The following DKK2 variants were observed in gnomAD, a reference collection of about 807,000 sequenced individuals.
DKK2 encodes the protein dickkopf Wnt signaling pathway inhibitor 2, also known as dickkopf-related protein 2.
DKK2 carries 11 observed loss-of-function variants against 28.1 expected under a neutral mutation model. The observed-to-expected ratio is 0.39, with a 90% CI of 0.25 to 0.65. The LOEUF (loss-of-function observed/expected upper bound fraction) is 0.65. DKK2 is among the 30% of genes least tolerant of loss of function. DKK2 has a pLI of 0.47. For missense variants in DKK2, 326 were observed against 335.5 expected, an observed-to-expected ratio of 0.97 and a Z score of 0.22; for synonymous variants, 135 against 126.5, an observed-to-expected ratio of 1.07 and a Z score of -0.45.
intron 1 of DKK2, among the ~76,000 whole-genome samples, chr4:106,995,767 C>T (rs758080563): frequency 7.2e-5 from 11 of 152,164 alleles, no homozygotes; most frequent in Admixed American, 1.3e-4. Context: ...CGTGTCCCAC[C>T]ATGCCAGGCT....
At chr4:107,026,739 C>T (rs1046919883) in intron 1 of DKK2, among the ~76,000 whole-genome samples, 1 of 151,854 alleles carries the variant, frequency 6.6e-6, no homozygotes, top group Non-Finnish European at 1.5e-5. Context: ...ATTTTGTTGC[C>T]CGACTCCAGA....
At chr4:106,950,921 C>T (rs1315251680) in intron 1 of DKK2, among the ~76,000 whole-genome samples, 3 of 152,066 alleles carry the variant, frequency 2.0e-5, no homozygotes, top group Admixed American at 2.0e-4. Context: ...GTGCTTCCTC[C>T]CATATATTAC....
intron 1 of DKK2, among the ~76,000 whole-genome samples, chr4:106,988,699 TC>T (rs1399892441): frequency 7.2e-5 from 11 of 152,262 alleles, no homozygotes; most frequent in African/African-American, 2.6e-4. Flanking sequence ...GTTTAAAAAC[TC>T]CCATGAAGAA....
chr4:106,964,485 T>G (rs1056676457), intron 1 of DKK2, among the ~76,000 whole-genome samples: 5 of 152,124 alleles, frequency 3.3e-5, no homozygotes, highest in Admixed American at 1.3e-4. Context: ...TTTATTGTAT[T>G]TTTCAAAATA....
chr4:107,016,541 T>C (rs1241824174), intron 1 of DKK2, among the ~76,000 whole-genome samples: 1 of 152,026 alleles, frequency 6.6e-6, no homozygotes, highest in African/African-American at 2.4e-5. Context: ...TTCAGCCTAA[T>C]TTAAATTCCT....
intron 1 of DKK2, among the ~76,000 whole-genome samples, chr4:106,934,730 T>A (rs1306309062): frequency 6.6e-6 from 1 of 152,214 alleles, no homozygotes; most frequent in Non-Finnish European, 1.5e-5. Context: ...AAGAAACAGC[T>A]GAAGGAAGCA....
At chr4:106,977,931 T>C (rs1722969665) in intron 1 of DKK2, among the ~76,000 whole-genome samples, 2 of 152,240 alleles carry the variant, frequency 1.3e-5, no homozygotes, top group South Asian at 4.1e-4. Flanking sequence ...TGTGTGGCTG[T>C]CCTTTTTGTT....
chr4:106,971,204 T>A (rs1411096135), intron 1 of DKK2, among the ~76,000 whole-genome samples: 3 of 152,112 alleles, frequency 2.0e-5, no homozygotes, highest in Non-Finnish European at 2.9e-5. Context: ...TGAGTCAAGA[T>A]AAACCCAGAA....
intron 1 of DKK2, among the ~76,000 whole-genome samples, chr4:106,944,547 A>G (rs1357038057): frequency 2.0e-5 from 3 of 152,164 alleles, no homozygotes; most frequent in Non-Finnish European, 4.4e-5. Context: ...AGAAATTTAC[A>G]TACTTTCTTT....
intron 1 of DKK2, among the ~76,000 whole-genome samples, chr4:107,014,609 C>T (rs1013918101): frequency 6.6e-6 from 1 of 151,318 alleles, no homozygotes; most frequent in Admixed American, 6.6e-5. Flanking sequence ...AATAACAATG[C>T]ATAGTATATT....
intron 1 of DKK2, among the ~76,000 whole-genome samples, chr4:106,977,610 A>C (rs1722964039): frequency 6.6e-6 from 1 of 151,976 alleles, no homozygotes; most frequent in Admixed American, 6.6e-5. Context: ...ATGTTCTCTA[A>C]ACTGGTTACT....
intron 1 of DKK2, among the ~76,000 whole-genome samples, chr4:106,971,065 G>T (rs17037162): frequency 0.043 from 6,600 of 152,018 alleles, 212 homozygotes; most frequent in African/African-American, 0.088. Flanking sequence ...GAATCTATTC[G>T]AGCACTGAAT....
At position 107,036,069 on chromosome 4, in the gene DKK2, A is replaced by C; in HGVS notation, c.-478T>G. On this transcript the variant is annotated 5_prime_UTR_variant, in exon 1 of 4. Transcript: ENST00000285311. ...TCTTTTCCTATCCTTTATGTGTCAA[A>C]CTTTGCAGGACACAGTGCTCCTTTT... is the stretch of plus-strand genomic sequence containing the variant. 1 of 166,516 alleles carries C rather than the reference A, an allele frequency of 6.0e-6. No individual in the cohort carries two copies. The highest frequency in any genetic ancestry group is 1.8e-4 in the East Asian group (1 of 5,680). The allele number at this position is 166,516 out of a possible 1,614,324, so 10.3% of individuals were successfully genotyped here.
At chr4:106,971,446 G>A (rs1355211305) in intron 1 of DKK2, among the ~76,000 whole-genome samples, 3 of 151,994 alleles carry the variant, frequency 2.0e-5, no homozygotes, top group Non-Finnish European at 2.9e-5. Flanking sequence ...CACTCTAATG[G>A]TACAGAACAG....
chr4:107,003,116 G>A (rs368098140), intron 1 of DKK2, among the ~76,000 whole-genome samples: 5 of 152,152 alleles, frequency 3.3e-5, no homozygotes, highest in Non-Finnish European at 7.3e-5. Context: ...TGAGCTCAGG[G>A]AGAATGTTCC....
At chr4:106,981,256 A>T (rs1038712806) in intron 1 of DKK2, among the ~76,000 whole-genome samples, 1 of 152,214 alleles carries the variant, frequency 6.6e-6, no homozygotes, top group African/African-American at 2.4e-5. Flanking sequence ...AAAATATTAT[A>T]ATTTCATAAT....
chr4:106,999,130 C>T (rs1371928692), intron 1 of DKK2, among the ~76,000 whole-genome samples: 1 of 152,116 alleles, frequency 6.6e-6, no homozygotes, highest in Non-Finnish European at 1.5e-5. Flanking sequence ...TTTGTGTGTT[C>T]TTAGGCAAGT....
At chr4:106,942,304 T>C (rs1724711897) in intron 1 of DKK2, among the ~76,000 whole-genome samples, 1 of 152,098 alleles carries the variant, frequency 6.6e-6, no homozygotes, top group East Asian at 1.9e-4. Flanking sequence ...ACCAGTACAT[T>C]CTCAATAGTG....
intron 1 of DKK2, among the ~76,000 whole-genome samples, chr4:106,992,027 A>G (rs538942392): frequency 2.0e-5 from 3 of 152,346 alleles, no homozygotes; most frequent in East Asian, 1.9e-4. Context: ...ATTTTAAATG[A>G]CAGTCACTTG....
Sources: gnomAD v4.1 joint callset for allele counts (sites outside exome capture counted in the v4.1 genomes callset) on GRCh38, gnomAD v4.1.1 for gene constraint, MANE v1.5 for transcripts, NCBI Gene and HGNC (gene_info 2026-07-23, HGNC 2026-07-21) for gene names.